KLHL1: variants seen among roughly 807,000 people sequenced by gnomAD.
KLHL1 encodes the protein kelch like family member 1, also known as kelch-like protein 1.
A neutral mutation model predicts 77.7 loss-of-function variants in KLHL1; 47 were observed. That is an observed-to-expected ratio of 0.60 (90% CI 0.48 to 0.77). The LOEUF is 0.77. Among genes scored for constraint, KLHL1 ranks in the 30% least tolerant of loss-of-function variants. The pLI, the probability that KLHL1 is intolerant of heterozygous loss-of-function variation, is 0.00. For missense variants in KLHL1, 925 were observed against 910.8 expected, an observed-to-expected ratio of 1.02 and a Z score of -0.20; for synonymous variants, 360 against 325.2, an observed-to-expected ratio of 1.11 and a Z score of -1.15.
chr13:69,748,845 G>T (rs567071376), intron 7 of KLHL1, among the ~76,000 whole-genome samples: 1 of 151,886 alleles, frequency 6.6e-6, no homozygotes, highest in Admixed American at 6.6e-5. Context: ...GAATGATAGA[G>T]CAAGTATAAA....
Position 69,701,625 on chromosome 13 carries a change from A to G in KLHL1, c.*77T>C, listed in dbSNP as rs555562876. 50 of 986,430 alleles carry G rather than the reference A, an allele frequency of 5.1e-5. No homozygotes were observed. In the South Asian group the frequency reaches 6.7e-4, roughly 13 times the overall value. The allele number at this position is 986,430 out of a possible 1,614,324, so 61.1% of individuals were successfully genotyped here. On this transcript the variant is annotated 3_prime_UTR_variant, in exon 11 of 11. Coordinates refer to ENST00000377844, the MANE Select transcript of KLHL1 (RefSeq NM_020866.3). ...GTTCTTGAAGAGTTTTCATCTCTGG[A>G]AGTTCTCATTCTTGCCATTCAATAT...
At chr13:69,972,371 GA>G (rs1408190490) in intron 2 of KLHL1, among the ~76,000 whole-genome samples, 1 of 151,854 alleles carries the variant, frequency 6.6e-6, no homozygotes, top group Non-Finnish European at 1.5e-5. Flanking sequence ...AGTGAAAACA[GA>G]ATATAACACA....
At chr13:69,784,072 T>G (rs1876378073) in intron 7 of KLHL1, among the ~76,000 whole-genome samples, 1 of 152,084 alleles carries the variant, frequency 6.6e-6, no homozygotes, top group Non-Finnish European at 1.5e-5. Context: ...GAATTTCATA[T>G]CCAGCCAAAC....
At chr13:70,023,233 C>T (rs776746356) in intron 1 of KLHL1, among the ~76,000 whole-genome samples, 5 of 151,802 alleles carry the variant, frequency 3.3e-5, no homozygotes, top group East Asian at 1.9e-4. Context: ...CCTCATGTAC[C>T]GATCACTATA....
At chr13:70,018,707 G>T (rs1885717828) in intron 1 of KLHL1, among the ~76,000 whole-genome samples, 1 of 149,778 alleles carries the variant, frequency 6.7e-6, no homozygotes, top group African/African-American at 2.5e-5. Context: ...GCAAATAAAG[G>T]GTTTAAAGAT....
At chr13:69,930,856 G>C (rs1247698035) in intron 4 of KLHL1, among the ~76,000 whole-genome samples, 3 of 151,508 alleles carry the variant, frequency 2.0e-5, no homozygotes, top group Non-Finnish European at 4.4e-5. Context: ...TGCTGATACA[G>C]GTGTCTATTT....
intron 1 of KLHL1, among the ~76,000 whole-genome samples, chr13:70,093,454 A>G (rs1489151223): frequency 1.3e-5 from 2 of 152,198 alleles, no homozygotes; most frequent in African/African-American, 4.8e-5. Context: ...AGAGTAATAC[A>G]TTTTTAATAG....
intron 7 of KLHL1, among the ~76,000 whole-genome samples, chr13:69,780,716 G>GTGTA (rs1876119584): frequency 2.1e-5 from 1 of 47,696 alleles, no homozygotes; most frequent in Non-Finnish European, 3.8e-5. Context: ...ATATATATAT[G>GTGTA]TATATATATA....
intron 1 of KLHL1, among the ~76,000 whole-genome samples, chr13:69,985,231 A>G (rs1884829531): frequency 2.0e-5 from 3 of 152,238 alleles, no homozygotes; most frequent in Admixed American, 1.3e-4. Context: ...GCATCTGACA[A>G]GGGGATAACA....
chr13:69,719,618 T>G (rs865978178), intron 8 of KLHL1, 37 bp from the exon 9 acceptor site: 2 of 1,515,836 alleles, frequency 1.3e-6, no homozygotes, highest in East Asian at 4.5e-5. Flanking sequence ...TTTAATATCA[T>G]AGTCTGGATG....
At chr13:69,710,515 G>C (rs552635879) in intron 9 of KLHL1, among the ~76,000 whole-genome samples, 27 of 152,082 alleles carry the variant, frequency 1.8e-4, no homozygotes, top group Middle Eastern at 3.4e-3. Context: ...GACACACTCA[G>C]ATATTTAGGA....
intron 1 of KLHL1, among the ~76,000 whole-genome samples, chr13:70,021,747 C>A (rs891869602): frequency 6.6e-6 from 1 of 151,992 alleles, no homozygotes; most frequent in Non-Finnish European, 1.5e-5. Flanking sequence ...AAGTGAAGCA[C>A]CTTTTCATTT....
chr13:69,730,511 T>G (rs12021017), intron 8 of KLHL1, among the ~76,000 whole-genome samples: 7,986 of 152,060 alleles, frequency 0.053, 364 homozygotes, highest in African/African-American at 0.12. Flanking sequence ...AGGCAAAAAG[T>G]ATTATGCTTT....
chr13:69,824,726 G>T (rs2138083972), intron 6 of KLHL1, among the ~76,000 whole-genome samples: 1 of 152,196 alleles, frequency 6.6e-6, no homozygotes, highest in Middle Eastern at 3.4e-3. Context: ...AATATTCAAA[G>T]GAATAGTTGT....
intron 6 of KLHL1, among the ~76,000 whole-genome samples, chr13:69,815,716 A>T (rs12430410): frequency 0.93 from 141,566 of 151,506 alleles, 66,135 homozygotes; most frequent in East Asian, 1. Context: ...AAAATTTTTT[A>T]AAAAAGCCGT....
intron 1 of KLHL1, among the ~76,000 whole-genome samples, chr13:69,987,790 C>T (rs373066223): frequency 6.6e-5 from 10 of 151,742 alleles, no homozygotes; most frequent in East Asian, 1.9e-4. Context: ...ATAATATGGG[C>T]AATATACACA....
intron 7 of KLHL1, among the ~76,000 whole-genome samples, chr13:69,750,994 T>C (rs561724671): frequency 6.6e-6 from 1 of 152,076 alleles, no homozygotes; most frequent in East Asian, 1.9e-4. Context: ...CATTCACAAT[T>C]GACAATAACT....
chr13:69,888,746 C>T (rs1159271478), intron 4 of KLHL1, among the ~76,000 whole-genome samples: 1 of 151,674 alleles, frequency 6.6e-6, no homozygotes, highest in Non-Finnish European at 1.5e-5. Flanking sequence ...TTAAGCCACC[C>T]ATTTTGTGGA....
chr13:69,726,680 A>G (rs1873311064), intron 8 of KLHL1, among the ~76,000 whole-genome samples: 1 of 152,148 alleles, frequency 6.6e-6, no homozygotes, highest in Non-Finnish European at 1.5e-5. Flanking sequence ...TATGTGAATT[A>G]ATTTAGATCA....
Sources: allele counts gnomAD v4.1 joint callset (sites outside exome capture counted in the v4.1 genomes callset), GRCh38; gene constraint gnomAD v4.1.1; transcripts MANE v1.5; gene names NCBI Gene and HGNC (gene_info 2026-07-23, HGNC 2026-07-21).